Variants in PTPRD observed in about 807,000 individuals in gnomAD.
The protein encoded by PTPRD is protein tyrosine phosphatase receptor type D, also known as receptor-type tyrosine-protein phosphatase delta.
PTPRD carries 34 observed loss-of-function variants against 214.5 expected under a neutral mutation model. That is an observed-to-expected ratio of 0.16 (90% CI 0.12 to 0.21). The LOEUF (loss-of-function observed/expected upper bound fraction) is 0.21, where lower values mean the gene tolerates loss of function less well. Among genes scored for constraint, PTPRD ranks in the 10% least tolerant of loss-of-function variants. The pLI is 1.00. For synonymous variants in PTPRD, 1,128 were observed against 845.7 expected (o/e 1.33, Z -5.79); for missense variants, 2,545 against 2,398.7 (o/e 1.06, Z -1.27).
At chr9:10,098,572 GAA>G (rs963280157) in intron 3 of PTPRD, among the ~76,000 whole-genome samples, 77 of 151,744 alleles carry the variant, frequency 5.1e-4, no homozygotes, top group African/African-American at 1.7e-3. Context: ...TATTTCAGTG[GAA>G]AGAGGTAGAG....
chr9:8,859,751 T>A (rs2154545369), intron 11 of PTPRD, among the ~76,000 whole-genome samples: 1 of 145,558 alleles, frequency 6.9e-6, no homozygotes, highest in East Asian at 2.3e-4. Flanking sequence ...CAAAAATAAG[T>A]CACATATTTT....
chr9:8,648,675 G>T (rs2096744576), intron 12 of PTPRD, among the ~76,000 whole-genome samples: 1 of 152,156 alleles, frequency 6.6e-6, no homozygotes, highest in African/African-American at 2.4e-5. Context: ...AGATGAGAAA[G>T]TTATGCATTA....
At chr9:9,876,403 C>G (rs983139122) in intron 5 of PTPRD, among the ~76,000 whole-genome samples, 2 of 152,130 alleles carry the variant, frequency 1.3e-5, no homozygotes, top group African/African-American at 4.8e-5. Context: ...TGGCTAACAT[C>G]TGTGAAATTT....
chr9:8,561,191 C>T (rs184722982), intron 14 of PTPRD, among the ~76,000 whole-genome samples: 1 of 152,226 alleles, frequency 6.6e-6, no homozygotes, highest in African/African-American at 2.4e-5. Context: ...CTACACTGTC[C>T]TGCCCACCTT....
In PTPRD at chr9:9,947,521, AT is replaced by A. The variant is rs1555377205; in HGVS notation, c.-471-8912del. ...TATATTTTATATATATAATATATAT[AT>A]TATATATATTTTATATATAATATAT... is the stretch of plus-strand genomic sequence containing the variant. On this transcript the variant is annotated intron_variant, in intron 4 of 45. Coordinates refer to ENST00000381196, the MANE Select transcript of PTPRD (RefSeq NM_002839.4). 1.3e-4 allele frequency among the ~76,000 whole-genome samples: 3 copies of A among 23,642 alleles called. No homozygotes were observed. The East Asian group carries it at 0.019, about 148-fold the overall frequency. The allele number at this position is 23,642 out of a possible 152,430, so 15.5% of individuals were successfully genotyped here.
intron 10 of PTPRD, among the ~76,000 whole-genome samples, chr9:9,131,988 C>T (rs1411978302): frequency 6.6e-6 from 1 of 151,928 alleles, no homozygotes; most frequent in Admixed American, 6.6e-5. Context: ...TAAGTAAGGG[C>T]CACTAGTTTT....
intron 2 of PTPRD, among the ~76,000 whole-genome samples, chr9:10,341,905 T>A (rs1027509136): frequency 3.3e-5 from 5 of 152,042 alleles, no homozygotes; most frequent in Admixed American, 2.6e-4. Flanking sequence ...TGTTAAGCAA[T>A]CTTAGCAACT....
chr9:9,589,509 T>C (rs1194494758), intron 7 of PTPRD, among the ~76,000 whole-genome samples: 1 of 152,004 alleles, frequency 6.6e-6, no homozygotes, highest in Non-Finnish European at 1.5e-5. Context: ...AAATAGGATT[T>C]TTCTTAGGAA....
At chr9:8,533,684 C>T (rs562513198) in intron 14 of PTPRD, among the ~76,000 whole-genome samples, 147 of 152,020 alleles carry the variant, frequency 9.7e-4, no homozygotes, top group African/African-American at 3.2e-3. Context: ...ATCAATAAAC[C>T]GTAATAATAG....
chr9:9,462,894 A>G lies in PTPRD; in HGVS notation c.-236-65412T>C, dbSNP rs575891566. Among the ~76,000 whole-genome samples the G allele has an allele frequency of 5.3e-5, 8 of 152,286 alleles. 2 individuals carry two copies. The South Asian group carries it at 1.7e-3, about 32-fold the overall frequency. On this transcript the variant is annotated intron_variant, in intron 8 of 45. Transcript: ENST00000381196. ...CAAAAGTTCTTGTCTGCTGTGACCC[A>G]CAAAAAATGAAAGAATCATCACATC...
chr9:8,607,706 T>C (rs1400140830), intron 14 of PTPRD, among the ~76,000 whole-genome samples: 1 of 152,136 alleles, frequency 6.6e-6, no homozygotes, highest in Non-Finnish European at 1.5e-5. Flanking sequence ...CTGGTTATAA[T>C]GCCATTTGCA....
chr9:9,040,425 A>G (rs529410046), intron 10 of PTPRD, among the ~76,000 whole-genome samples: 1 of 152,326 alleles, frequency 6.6e-6, no homozygotes, highest in Non-Finnish European at 1.5e-5. Flanking sequence ...AGAAAATCCT[A>G]GAGATTTTAA....
intron 11 of PTPRD, among the ~76,000 whole-genome samples, chr9:8,855,148 G>C (rs1284104350): frequency 2.0e-5 from 3 of 146,796 alleles, no homozygotes; most frequent in Non-Finnish European, 3.0e-5. Flanking sequence ...TTTTTTTAAT[G>C]TCTCTCTAGG....
intron 11 of PTPRD, among the ~76,000 whole-genome samples, chr9:8,828,900 C>G (rs1420585810): frequency 6.6e-6 from 1 of 152,030 alleles, no homozygotes; most frequent in East Asian, 1.9e-4. Flanking sequence ...ACTTAGGGTG[C>G]GTTCATCTTC....
chr9:10,122,070 G>A (rs1247621287), intron 3 of PTPRD, among the ~76,000 whole-genome samples: 1 of 152,192 alleles, frequency 6.6e-6, no homozygotes, highest in Non-Finnish European at 1.5e-5. Context: ...CATTGTGGGA[G>A]GTCAAGGCAG....
At chr9:9,628,923 C>T (rs1035118505) in intron 7 of PTPRD, among the ~76,000 whole-genome samples, 4 of 151,726 alleles carry the variant, frequency 2.6e-5, no homozygotes, top group African/African-American at 9.7e-5. Flanking sequence ...CCTGTAATCC[C>T]AGCACTTTGG....
intron 7 of PTPRD, among the ~76,000 whole-genome samples, chr9:9,601,220 A>G (rs2093742719): frequency 6.6e-6 from 1 of 151,194 alleles, no homozygotes; most frequent in Non-Finnish European, 1.5e-5. Flanking sequence ...ACTTGCTATA[A>G]TATTTGAGTT....
At chr9:10,034,407 C>CTTTTTTTTTTT (rs56827836) in intron 3 of PTPRD, among the ~76,000 whole-genome samples, 1 of 89,540 alleles carries the variant, frequency 1.1e-5, no homozygotes, top group Non-Finnish European at 2.1e-5. Context: ...CCTGGCTCTA[C>CTTTTTTTTTTT]TTTTTTTTTT....
intron 7 of PTPRD, among the ~76,000 whole-genome samples, chr9:9,618,465 A>G (rs1593190880): frequency 6.6e-6 from 1 of 152,150 alleles, no homozygotes; most frequent in East Asian, 1.9e-4. Flanking sequence ...AGATGAGAAG[A>G]GTTGAGAACA....
Sources: gnomAD v4.1 joint callset for allele counts (sites outside exome capture counted in the v4.1 genomes callset) on GRCh38, gnomAD v4.1.1 for gene constraint, MANE v1.5 for transcripts, NCBI Gene and HGNC (gene_info 2026-07-23, HGNC 2026-07-21) for gene names.